The following MED13 variants were observed in gnomAD, a reference collection of about 807,000 sequenced individuals.
The protein encoded by MED13 is mediator complex subunit 13.
A neutral mutation model predicts 225.2 loss-of-function variants in MED13; 23 were observed. The observed-to-expected ratio is 0.10, with a 90% CI of 0.07 to 0.14. The LOEUF is 0.14. Ranked by LOEUF, MED13 falls within the 10% of genes least tolerant of loss-of-function variation. MED13 has a pLI of 1.00. For synonymous variants in MED13, 942 were observed against 889.2 expected, an observed-to-expected ratio of 1.06 and a Z score of -1.06; for missense variants, 2,197 against 2,594.5, an observed-to-expected ratio of 0.85 and a Z score of 3.33.
intron 2 of MED13, among the ~76,000 whole-genome samples, chr17:62,055,052 TCTG>T (rs1603410102): frequency 1.3e-5 from 2 of 152,162 alleles, no homozygotes; most frequent in Non-Finnish European, 2.9e-5. Flanking sequence ...AATAAAAAAA[TCTG>T]CTTTCTGGGA....
At chr17:62,021,940 G>A (rs1008875270) in intron 8 of MED13, among the ~76,000 whole-genome samples, 11 of 152,010 alleles carry the variant, frequency 7.2e-5, no homozygotes, top group African/African-American at 1.7e-4. Flanking sequence ...GCCAAGGTAC[G>A]TGGATCATTT....
At chr17:62,036,467 AAG>A (rs2080804797) in intron 3 of MED13, among the ~76,000 whole-genome samples, 1 of 152,152 alleles carries the variant, frequency 6.6e-6, no homozygotes, top group Admixed American at 6.5e-5. Context: ...AGAGGAGGAT[AAG>A]AGTGTACACT....
chr17:62,037,572 C>T (rs1344695902), intron 3 of MED13, among the ~76,000 whole-genome samples: 3 of 149,898 alleles, frequency 2.0e-5, no homozygotes, highest in Non-Finnish European at 4.4e-5. Flanking sequence ...GAGGCTGAGG[C>T]ATGAGAATCG....
chr17:62,041,172 T>C (rs530709950), intron 3 of MED13, among the ~76,000 whole-genome samples: 2 of 152,314 alleles, frequency 1.3e-5, no homozygotes, highest in South Asian at 2.1e-4. Flanking sequence ...AAATGTAGTA[T>C]ATACATACAA....
chr17:61,953,915 T>C (rs949502195), intron 26 of MED13, among the ~76,000 whole-genome samples: 23 of 152,250 alleles, frequency 1.5e-4, no homozygotes, highest in African/African-American at 5.5e-4. Context: ...CCAAATCCTA[T>C]ATACTGGTTT....
chr17:61,959,034 G>A (rs550283990), intron 23 of MED13, among the ~76,000 whole-genome samples: 3 of 149,264 alleles, frequency 2.0e-5, no homozygotes, highest in East Asian at 4.0e-4. Flanking sequence ...ACAGACTTTC[G>A]CTCTTGATGC....
chr17:62,048,282 G>A (rs947360842), intron 3 of MED13, among the ~76,000 whole-genome samples: 1 of 149,748 alleles, frequency 6.7e-6, no homozygotes. Context: ...GCTAGTGTCT[G>A]TGGTCCCAGC....
At position 61,968,086 on chromosome 17, in the gene MED13, G is replaced by A. The variant is rs767485919; in HGVS notation, c.4140C>T (p.Ala1380=). 6.2e-7 allele frequency: 1 copy of A among 1,613,784 alleles called. No individual in the cohort carries two copies. The highest frequency in any genetic ancestry group is 1.7e-5 in the Admixed American group (1 of 60,000). The part of the protein sequence containing the change: ...AYVVLCPENE[A]LLNGAKSFFR... ...AAAAGCTTTTTGCTCCATTTAACAA[G>A]GCTTCATTTTCTGGACACAGTACAA... Residue 1380 remains alanine, a synonymous_variant, in exon 18 of 30, where the codon GCC becomes GCT. Transcript: ENST00000397786.
At chr17:62,052,490 A>T in intron 3 of MED13, 47 bp downstream of exon 3, 1 of 1,411,966 alleles carries the variant, frequency 7.1e-7, no homozygotes, top group Non-Finnish European at 9.6e-7. Context: ...AGACACAAAA[A>T]GGAACAAATC....
intron 9 of MED13, chr17:62,005,843 G>C (rs2080441805): frequency 6.6e-6 from 1 of 152,112 alleles, no homozygotes; most frequent in South Asian, 2.1e-4. Context: ...TCCATCCTAG[G>C]CTGGTTCACC....
At chr17:61,962,709 A>T (rs758831920) in intron 21 of MED13, 43 bp downstream of exon 21, 1 of 1,552,110 alleles carries the variant, frequency 6.4e-7, no homozygotes, top group East Asian at 2.3e-5. Flanking sequence ...ACAACATTAA[A>T]CTGTTTTACA....
Position 61,961,085 on chromosome 17 carries a change from T to C in MED13, c.5262A>G (p.Pro1754=), listed in dbSNP as rs1182319674. 7 of 1,610,480 alleles carry C rather than the reference T, an allele frequency of 4.3e-6. No individual in the cohort carries two copies. Among genetic ancestry groups the C allele is most frequent in the Middle Eastern group, 1.7e-4 (1 of 6,028 alleles). Residue 1754 remains proline (P), a synonymous_variant, in exon 23 of 30, where the codon CCA becomes CCG. Transcript: ENST00000397786. ...METALRSPDR[P]ECIRLYAPPF... ...GAGGTGCATAAAGTCGAATACACTC[T>C]GGTCTCTATAAAATAAAAAATTAAG...
chr17:61,946,259 T>G lies in MED13; in HGVS notation c.*209A>C, dbSNP rs1364271412. 2 of 484,288 alleles carry G rather than the reference T, an allele frequency of 4.1e-6. No individual in the cohort carries two copies. Among genetic ancestry groups the G allele is most frequent in the African/African-American group, 3.9e-5 (2 of 50,782 alleles). 30.0% of individuals were successfully genotyped at this position (484,288 alleles called of 1,614,324 possible). On this transcript the variant is annotated 3_prime_UTR_variant, in exon 30 of 30. Transcript: ENST00000397786. ...AAATGTTATAATACGTTTTGTATGA[T>G]CAGTCATCATCCTAAAGAGTTCAAT...
intron 8 of MED13, among the ~76,000 whole-genome samples, chr17:62,016,252 C>T (rs1046226504): frequency 6.6e-6 from 1 of 151,028 alleles, no homozygotes. Flanking sequence ...ATGCTGTTGC[C>T]CAGGCTGGAA....
At position 61,994,561 on chromosome 17, in the gene MED13, G is replaced by T. The variant is rs1391679709; in HGVS notation, c.2181+591C>A. Among the ~76,000 whole-genome samples, 5 of 152,146 alleles carry T rather than the reference G, an allele frequency of 3.3e-5. No individual in the cohort carries two copies. In the East Asian group the frequency reaches 7.7e-4, roughly 24 times the overall value. On this transcript the variant is annotated intron_variant, in intron 10 of 29. Transcript: ENST00000397786. ...ATATTTTAAAATCACTGTCAAAATAGCCTACCTAAATGTCCTGATTTCAAT... is the reference window on the plus strand; with the variant it reads ...ATATTTTAAAATCACTGTCAAAATATCCTACCTAAATGTCCTGATTTCAAT...
chr17:62,062,596 CACACCACA>C (rs922343892), intron 2 of MED13, among the ~76,000 whole-genome samples: 10 of 58,780 alleles, frequency 1.7e-4, no homozygotes, highest in Admixed American at 4.7e-4. Context: ...CACACACACA[CACACCACA>C]CACACACACA....
intron 9 of MED13, among the ~76,000 whole-genome samples, chr17:61,997,109 T>A (rs999066078): frequency 6.6e-6 from 1 of 152,184 alleles, no homozygotes; most frequent in African/African-American, 2.4e-5. Context: ...TATTTGCAGA[T>A]CGTACATTCT....
intron 3 of MED13, among the ~76,000 whole-genome samples, chr17:62,049,977 C>T (rs2080941512): frequency 6.7e-6 from 1 of 149,642 alleles, no homozygotes; most frequent in Non-Finnish European, 1.5e-5. Flanking sequence ...TATACTATGG[C>T]TCAGTTACAA....
At chr17:61,987,926 C>T (rs2080262598) in intron 11 of MED13, among the ~76,000 whole-genome samples, 1 of 150,580 alleles carries the variant, frequency 6.6e-6, no homozygotes, top group Non-Finnish European at 1.5e-5. Context: ...TTTTTTTCCT[C>T]GAGTTGGGGT....
Sources: allele counts gnomAD v4.1 joint callset (sites outside exome capture counted in the v4.1 genomes callset), GRCh38; gene constraint gnomAD v4.1.1; transcripts MANE v1.5; gene names NCBI Gene and HGNC (gene_info 2026-07-23, HGNC 2026-07-21).